The following ZNF738 variants were observed in gnomAD, a reference collection of about 807,000 sequenced individuals.
The protein encoded by ZNF738 is zinc finger protein 738, also known as protein ZNF738.
ZNF738 carries 10 observed loss-of-function variants against 9.2 expected under a neutral mutation model. That is an observed-to-expected ratio of 1.09 (90% CI 0.67 to 1.85). The LOEUF (loss-of-function observed/expected upper bound fraction) is 1.85, where lower values mean the gene tolerates loss of function less well. ZNF738 is among the 40% of genes most tolerant of loss of function. ZNF738 has a pLI of 0.00. For missense variants in ZNF738, 346 were observed against 283.6 expected (o/e 1.22, Z -1.58); for synonymous variants, 113 against 94.5 (o/e 1.20, Z -1.14).
rs192518002 is a variant in ZNF738, at chr19:21,385,091, C to A, written c.*1417C>A. Among the ~76,000 whole-genome samples the A allele has an allele frequency of 6.6e-6, 1 of 151,986 alleles. No homozygotes were observed. The highest frequency in any genetic ancestry group is 1.5e-5 in the Non-Finnish European group (1 of 68,012). On this transcript the variant is annotated 3_prime_UTR_variant, in exon 5 of 5. Transcript: ENST00000683779. ...TTTGACTGGGTGCGGTGGCTCATGC[C>A]TGTAATCCCAGCACTTTGGGAGGCT...
rs1451740575 is a variant in ZNF738 at position 21,387,585 on chromosome 19, A to C, written c.*3911A>C. The stretch of plus-strand genomic sequence containing the variant: ...TAACCACCTTATTGCACAGAAAAGC[A>C]TTTATGTTTGAGAAAAATTATACAA... On this transcript the variant is annotated 3_prime_UTR_variant, in exon 5 of 5. Transcript: ENST00000683779. 6.6e-6 allele frequency among the ~76,000 whole-genome samples: 1 copy of C among 152,220 alleles called. No homozygotes were observed. The highest frequency in any genetic ancestry group is 2.4e-5 in the African/African-American group (1 of 41,456).
Position 21,383,624 on chromosome 19 carries a change from A to G in ZNF738, c.1078A>G (p.Thr360Ala), listed in dbSNP as rs901604045. 3 of 969,686 alleles carry G rather than the reference A, an allele frequency of 3.1e-6. No individual in the cohort carries two copies. Among genetic ancestry groups the G allele is most frequent in the Non-Finnish European group, 3.3e-6 (2 of 610,310 alleles). The allele number at this position is 969,686 out of a possible 1,614,324, so 60.1% of individuals were successfully genotyped here. A position where few individuals can be genotyped will look rare whatever the true frequency, so the allele number is the denominator to read the frequency against. The change falls in exon 5 of 5, where the codon ACC becomes GCC. Residue 360 changes from threonine to alanine, a missense_variant. Thr to Ala is a moderately conservative substitution (Grantham distance 58). Transcript: ENST00000683779. ...GKAFNWYSHL[T>A]RHKIIHTGEK... ...AGCTTTTAATTGGTACTCACACCTT[A>G]CCAGACATAAGATAATTCATACTGG...
intron 2 of ZNF738, among the ~76,000 whole-genome samples, chr19:21,370,246 A>G (rs531362467): frequency 6.6e-6 from 1 of 152,354 alleles, no homozygotes; most frequent in Admixed American, 6.5e-5. Flanking sequence ...CAAGTTGATC[A>G]TAGTGCATTA....
chr19:21,361,019 G>A (rs1328447571), intron 1 of ZNF738, among the ~76,000 whole-genome samples: 1 of 151,536 alleles, frequency 6.6e-6, no homozygotes, highest in African/African-American at 2.4e-5. Flanking sequence ...TCTCCATGTT[G>A]GTCAGGCTGG....
At chr19:21,380,379 G>A (rs1361467369) in intron 4 of ZNF738, among the ~76,000 whole-genome samples, 1 of 152,218 alleles carries the variant, frequency 6.6e-6, no homozygotes, top group Admixed American at 6.5e-5. Flanking sequence ...CAGAGCATGT[G>A]TCACCTACAA....
At chr19:21,370,230 T>TA (rs1168767468) in intron 2 of ZNF738, among the ~76,000 whole-genome samples, 2 of 152,250 alleles carry the variant, frequency 1.3e-5, no homozygotes, top group Admixed American at 1.3e-4. Flanking sequence ...ATTTCAGAGA[T>TA]ACAGCCAAGT....
In ZNF738 at chr19:21,385,486, A is replaced by G. The variant is rs1382556405; in HGVS notation, c.*1812A>G. Among the ~76,000 whole-genome samples, 2 of 147,286 alleles carry G rather than the reference A, an allele frequency of 1.4e-5. No homozygotes were observed. The highest frequency in any genetic ancestry group is 1.9e-4 in the East Asian group (1 of 5,154). On this transcript the variant is annotated 3_prime_UTR_variant, in exon 5 of 5. Transcript: ENST00000683779. ...AAATAAATAAATAAATAAAAAAAAT[A>G]AGAGAGTTCATACTAGAGAGAAACC...
chr19:21,368,927 G>A (rs765096139), intron 2 of ZNF738, among the ~76,000 whole-genome samples: 10 of 152,066 alleles, frequency 6.6e-5, no homozygotes, highest in Non-Finnish European at 1.2e-4. Flanking sequence ...TAGTAGACAC[G>A]GGGTTTTAGT....
chr19:21,371,176 C>G (rs959683626), intron 2 of ZNF738, among the ~76,000 whole-genome samples: 4 of 152,190 alleles, frequency 2.6e-5, no homozygotes, highest in African/African-American at 9.7e-5. Context: ...TACCCAAAAG[C>G]TAGCAAAAAT....
At chr19:21,365,379 C>A (rs1461131140) in intron 2 of ZNF738, among the ~76,000 whole-genome samples, 1 of 152,072 alleles carries the variant, frequency 6.6e-6, no homozygotes, top group South Asian at 2.1e-4. Flanking sequence ...TTTTACCCAC[C>A]CCCTATTCAA....
rs1310446573 is a variant in ZNF738, at chr19:21,386,796, C to T, written c.*3122C>T. 3 of 171,382 alleles carry T rather than the reference C, an allele frequency of 1.8e-5. No individual in the cohort carries two copies. Among genetic ancestry groups the T allele is most frequent in the Admixed American group, 5.8e-5 (1 of 17,276 alleles). 10.6% of individuals were successfully genotyped at this position (171,382 alleles called of 1,614,324 possible). ...CATGATTTCAGCTCACTGCAACCTC[C>T]GTCTCCCAGGTTTAAGCAATTCTGC... On this transcript the variant is annotated 3_prime_UTR_variant, in exon 5 of 5. Coordinates refer to ENST00000683779, the MANE Select transcript of ZNF738 (RefSeq NM_001355237.2).
chr19:21,378,700 A>T, intron 4 of ZNF738: 1 of 377,806 alleles, frequency 2.6e-6, no homozygotes. Flanking sequence ...CCCAGGTTCA[A>T]GCAGTTCTCC....
intron 4 of ZNF738, chr19:21,376,543 T>TTTTTG (rs1347396423): frequency 6.5e-6 from 1 of 152,706 alleles, no homozygotes; most frequent in Non-Finnish European, 1.5e-5. Flanking sequence ...TATTGTAGTT[T>TTTTTG]TTTTGTTTTG....
chr19:21,377,946 T>A, intron 4 of ZNF738: 1 of 393,126 alleles, frequency 2.5e-6, no homozygotes, highest in Non-Finnish European at 4.5e-6. Context: ...TTTCTCTCTG[T>A]GGCTGTTTTA....
chr19:21,378,057 A>G, intron 4 of ZNF738: 4 of 397,332 alleles, frequency 1.0e-5, no homozygotes, highest in Non-Finnish European at 1.8e-5. Flanking sequence ...AACCTTTAAG[A>G]GATACAATGT....
chr19:21,378,988 T>C (rs1266550092), intron 4 of ZNF738: 2 of 152,178 alleles, frequency 1.3e-5, no homozygotes, highest in Non-Finnish European at 2.9e-5. Flanking sequence ...ATAAATATCT[T>C]TGTATTCTAG....
At chr19:21,382,575 A>C (rs558497064) in intron 4 of ZNF738, among the ~76,000 whole-genome samples, 1 of 152,290 alleles carries the variant, frequency 6.6e-6, no homozygotes, top group Non-Finnish European at 1.5e-5. Context: ...ATCGGGGAGC[A>C]GGAACAGCTG....
intron 2 of ZNF738, among the ~76,000 whole-genome samples, chr19:21,366,131 A>C (rs1314481925): frequency 6.6e-6 from 1 of 152,126 alleles, no homozygotes; most frequent in Non-Finnish European, 1.5e-5. Context: ...AGAGCTCCCC[A>C]TGTCCTAATT....
In ZNF738 at chr19:21,375,327, A is replaced by G. The variant is rs1973912500; in HGVS notation, c.186A>G (p.Lys62=). The stretch of plus-strand genomic sequence containing the variant: ...CTGCTCAGCAAGATTTGTATAGGAA[A>G]GTGATGTTAGAGAACTTCAGAAACC... The part of the protein sequence containing the change: ...LDTAQQDLYR[K]VMLENFRNLV... The change falls in exon 3 of 5, where the codon AAA becomes AAG. Residue 62 remains lysine (K), a synonymous_variant. Transcript: ENST00000683779. The G allele has an allele frequency of 1.9e-6, 2 of 1,046,734 alleles. No individual in the cohort carries two copies. The highest frequency in any genetic ancestry group is 1.3e-5 in the South Asian group (1 of 78,444). 64.8% of individuals were successfully genotyped at this position (1,046,734 alleles called of 1,614,324 possible). A position where few individuals can be genotyped will look rare whatever the true frequency, so the allele number is the denominator to read the frequency against.
Sources: gnomAD v4.1 joint callset for allele counts (sites outside exome capture counted in the v4.1 genomes callset) on GRCh38, gnomAD v4.1.1 for gene constraint, MANE v1.5 for transcripts, NCBI Gene and HGNC (gene_info 2026-07-23, HGNC 2026-07-21) for gene names.